The following PCDHA11 variants were observed in gnomAD, a reference collection of about 807,000 sequenced individuals.
PCDHA11 encodes the protein protocadherin alpha 11.
In PCDHA11, 61 loss-of-function variants were observed where a neutral mutation model predicts 70.3. That is an observed-to-expected ratio of 0.87 (90% CI 0.71 to 1.07). The LOEUF (loss-of-function observed/expected upper bound fraction) is 1.07, where lower values mean the gene tolerates loss of function less well. Among genes scored for constraint, PCDHA11 ranks in the 50% least tolerant of loss-of-function variants. The pLI, the probability that PCDHA11 is intolerant of heterozygous loss-of-function variation, is 0.00. For missense variants in PCDHA11, 1,324 were observed against 1,237.5 expected, an observed-to-expected ratio of 1.07 and a Z score of -1.05; for synonymous variants, 633 against 555.1, an observed-to-expected ratio of 1.14 and a Z score of -1.97.
intron 1 of PCDHA11, among the ~76,000 whole-genome samples, chr5:140,879,850 T>C (rs935829286): frequency 3.3e-5 from 5 of 152,230 alleles, no homozygotes; most frequent in Non-Finnish European, 5.9e-5. Flanking sequence ...CACTCCCATC[T>C]CAGCCTTCTC....
At chr5:140,962,786 A>G (rs1377248587) in intron 1 of PCDHA11, among the ~76,000 whole-genome samples, 6 of 152,216 alleles carry the variant, frequency 3.9e-5, no homozygotes, top group African/African-American at 1.4e-4. Context: ...ATTTTTAAAA[A>G]CTACTTTGGA....
At chr5:140,882,993 T>G (rs1554176415) in intron 1 of PCDHA11, 2 of 1,614,080 alleles carry the variant, frequency 1.2e-6, no homozygotes, top group Non-Finnish European at 1.7e-6. Flanking sequence ...GCCCCGGAAT[T>G]TTACCAATCC....
chr5:140,892,658 A>G (rs1202553509), intron 1 of PCDHA11, among the ~76,000 whole-genome samples: 4 of 152,202 alleles, frequency 2.6e-5, no homozygotes, highest in African/African-American at 9.7e-5. Context: ...ATACAGAGTG[A>G]CATTTTGATA....
rs182357788 is a variant in PCDHA11, at chr5:140,944,436, C to T, written c.2392-34513C>T. Among the ~76,000 whole-genome samples, 220 of 152,278 alleles carry T rather than the reference C, an allele frequency of 1.4e-3. 1 individual carries two copies. Among genetic ancestry groups the T allele is most frequent in the African/African-American group, 4.9e-3 (204 of 41,560 alleles). The stretch of plus-strand genomic sequence containing the variant: ...TCCTGATCTGAAGTGGTCTGCCTGC[C>T]TCGGCCTCCCAAAGTGCTGGGATTA... On this transcript the variant is annotated intron_variant, in intron 1 of 3. Coordinates refer to ENST00000398640, the MANE Select transcript of PCDHA11 (RefSeq NM_018902.5).
chr5:141,001,936 C>A (rs1440677153), intron 3 of PCDHA11, among the ~76,000 whole-genome samples: 3 of 151,788 alleles, frequency 2.0e-5, no homozygotes, highest in Non-Finnish European at 2.9e-5. Context: ...GGGTGGTGAG[C>A]GGAAATAAGG....
At chr5:140,876,437 C>T (rs1554168557) in intron 1 of PCDHA11, 1 of 1,613,906 alleles carries the variant, frequency 6.2e-7, no homozygotes, top group Non-Finnish European at 8.5e-7. Context: ...CAGGTTAACG[C>T]CATTGATAAA....
intron 1 of PCDHA11, chr5:140,884,006 C>T (rs369069323): frequency 1.2e-6 from 2 of 1,612,906 alleles, no homozygotes; most frequent in African/African-American, 2.7e-5. Context: ...AGTGAGCGAG[C>T]TGATGCCGCG....
At chr5:140,899,032 A>G (rs1377878756) in intron 1 of PCDHA11, among the ~76,000 whole-genome samples, 2 of 151,890 alleles carry the variant, frequency 1.3e-5, no homozygotes, top group African/African-American at 4.8e-5. Context: ...ATTTTTGTAC[A>G]TTGATTTTGT....
At chr5:141,007,161 G>C (rs2098308747) in intron 3 of PCDHA11, among the ~76,000 whole-genome samples, 1 of 152,146 alleles carries the variant, frequency 6.6e-6, no homozygotes, top group Non-Finnish European at 1.5e-5. Context: ...TCAAAGAACA[G>C]TCAGAGAGAA....
At chr5:140,902,043 G>A (rs1294111308) in intron 1 of PCDHA11, among the ~76,000 whole-genome samples, 2 of 151,980 alleles carry the variant, frequency 1.3e-5, no homozygotes, top group Non-Finnish European at 2.9e-5. Flanking sequence ...TTTGTATGTT[G>A]ATTTTGTATC....
At chr5:140,910,679 A>G (rs1554194364) in intron 1 of PCDHA11, among the ~76,000 whole-genome samples, 1 of 152,208 alleles carries the variant, frequency 6.6e-6, no homozygotes, top group East Asian at 1.9e-4. Context: ...AAGGGAGATC[A>G]GGCATTTCCA....
chr5:140,938,500 T>C (rs1450018538), intron 1 of PCDHA11, among the ~76,000 whole-genome samples: 2 of 152,156 alleles, frequency 1.3e-5, no homozygotes, highest in Non-Finnish European at 2.9e-5. Context: ...AGGCATTGAA[T>C]TTATCACATA....
At chr5:140,897,833 C>T (rs1366388258) in intron 1 of PCDHA11, among the ~76,000 whole-genome samples, 14 of 152,138 alleles carry the variant, frequency 9.2e-5, no homozygotes, top group African/African-American at 3.4e-4. Flanking sequence ...TATTTCTCCA[C>T]ATCCTCTCCA....
chr5:140,926,592 C>A, intron 1 of PCDHA11: 1 of 298,858 alleles, frequency 3.3e-6, no homozygotes, highest in Non-Finnish European at 6.1e-6. Context: ...CGCGCCCGGG[C>A]GGGCGGCCTC....
At chr5:140,898,408 G>A (rs1189859035) in intron 1 of PCDHA11, among the ~76,000 whole-genome samples, 7 of 152,096 alleles carry the variant, frequency 4.6e-5, no homozygotes, top group African/African-American at 9.7e-5. Flanking sequence ...TTCTACATAC[G>A]GCTAGCCAGT....
chr5:140,963,570 G>A (rs1011231723), intron 1 of PCDHA11, among the ~76,000 whole-genome samples: 6 of 152,180 alleles, frequency 3.9e-5, no homozygotes, highest in African/African-American at 1.2e-4. Flanking sequence ...TTCTGGTTTT[G>A]TTCTCAAAAT....
intron 1 of PCDHA11, among the ~76,000 whole-genome samples, chr5:140,890,937 A>G (rs2153432428): frequency 6.6e-6 from 1 of 152,254 alleles, no homozygotes; most frequent in South Asian, 2.1e-4. Flanking sequence ...TAGTCCAAAG[A>G]TGCTGGTGAG....
chr5:140,882,997 C>T, intron 1 of PCDHA11: 1 of 1,614,062 alleles, frequency 6.2e-7, no homozygotes, highest in East Asian at 2.2e-5. Context: ...CGGAATTTTA[C>T]CAATCCGTTT....
At position 140,924,017 on chromosome 5, in the gene PCDHA11, T is replaced by C. The variant is rs2081624736; in HGVS notation, c.2391+52523T>C. Among the ~76,000 whole-genome samples, 3 of 152,218 alleles carry C rather than the reference T, an allele frequency of 2.0e-5. No individual in the cohort carries two copies. In the South Asian group the frequency reaches 6.2e-4, roughly 32 times the overall value. On this transcript the variant is annotated intron_variant, in intron 1 of 3. Transcript: ENST00000398640. ...CTCAGAATTCCTAAACCTGGTATAA[T>C]TGGAGGCATGGCTGCAGACCTAAAA...
Sources: allele counts gnomAD v4.1 joint callset (sites outside exome capture counted in the v4.1 genomes callset), GRCh38; gene constraint gnomAD v4.1.1; transcripts MANE v1.5; gene names NCBI Gene and HGNC (gene_info 2026-07-23, HGNC 2026-07-21).